The following FAM107B variants were observed in gnomAD, a reference collection of about 807,000 sequenced individuals.
FAM107B encodes the protein protein FAM107B.
In FAM107B, 21 loss-of-function variants were observed where a neutral mutation model predicts 31.5. That is an observed-to-expected ratio of 0.67 (90% CI 0.47 to 0.96). FAM107B has a LOEUF of 0.96. Ranked by LOEUF, FAM107B falls within the 40% of genes least tolerant of loss-of-function variation. The pLI is 0.00. For synonymous variants in FAM107B, 157 were observed against 141.5 expected, an observed-to-expected ratio of 1.11 and a Z score of -0.78; for missense variants, 452 against 377.1, an observed-to-expected ratio of 1.20 and a Z score of -1.64.
At chr10:14,678,160 G>A (rs1342699473) in intron 1 of FAM107B, among the ~76,000 whole-genome samples, 2 of 152,182 alleles carry the variant, frequency 1.3e-5, no homozygotes, top group Non-Finnish European at 2.9e-5. Flanking sequence ...AATCCAAAAT[G>A]ACTTATTCTC....
chr10:14,688,196 TCTTGGG>T, intron 1 of FAM107B, among the ~76,000 whole-genome samples: 1 of 152,222 alleles, frequency 6.6e-6, no homozygotes, highest in Non-Finnish European at 1.5e-5. Context: ...GCTTTTGGAC[TCTTGGG>T]CTTACACCAG....
chr10:14,759,216 AT>A (rs1483220272), intron 1 of FAM107B, among the ~76,000 whole-genome samples: 2 of 152,050 alleles, frequency 1.3e-5, no homozygotes, highest in East Asian at 3.9e-4. Flanking sequence ...AAATAAATAA[AT>A]AAATAAAAAG....
intron 1 of FAM107B, among the ~76,000 whole-genome samples, chr10:14,730,363 G>A (rs1031934151): frequency 2.0e-5 from 3 of 152,194 alleles, no homozygotes; most frequent in East Asian, 1.9e-4. Context: ...GCCCTGACCC[G>A]ACTCTTGCCC....
rs575441878 is a variant in FAM107B at position 14,705,555 on chromosome 10, A to G, written c.412-37864T>C. ...TGAAAAAGGAAGGGAATTCTGACAC[A>G]CACCACAACATAACTGGATCTTGAA... On this transcript the variant is annotated intron_variant, in intron 1 of 4. Transcript: ENST00000181796. Among the ~76,000 whole-genome samples the G allele has an allele frequency of 4.5e-4, 69 of 152,286 alleles. No individual in the cohort carries two copies. The South Asian group carries it at 0.013, about 30-fold the overall frequency.
chr10:14,541,096 T>C (rs1848146518), intron 2 of FAM107B, among the ~76,000 whole-genome samples: 2 of 152,132 alleles, frequency 1.3e-5, no homozygotes, highest in Non-Finnish European at 1.5e-5. Context: ...GAATCGATCA[T>C]CAGTTCCCTT....
At chr10:14,582,975 A>AAGG (rs1366093273) in intron 2 of FAM107B, among the ~76,000 whole-genome samples, 5 of 151,758 alleles carry the variant, frequency 3.3e-5, no homozygotes, top group Non-Finnish European at 7.4e-5. Context: ...AATCCCAGCT[A>AAGG]CTTGGGAGGC....
chr10:14,528,984 TCCTA>T (rs1846638354), intron 3 of FAM107B, among the ~76,000 whole-genome samples: 1 of 152,344 alleles, frequency 6.6e-6, no homozygotes, highest in African/African-American at 2.4e-5. Context: ...CAGCTAAGTC[TCCTA>T]CCTTACACTT....
At chr10:14,665,936 A>T (rs1854393399) in intron 2 of FAM107B, among the ~76,000 whole-genome samples, 1 of 152,218 alleles carries the variant, frequency 6.6e-6, no homozygotes, top group South Asian at 2.1e-4. Flanking sequence ...AATCTAAAAT[A>T]GCATAGTGTT....
chr10:14,593,204 TTTTG>T (rs1221149675), intron 2 of FAM107B, among the ~76,000 whole-genome samples: 1 of 152,110 alleles, frequency 6.6e-6, no homozygotes, highest in East Asian at 1.9e-4. Context: ...TAAAAAGCTT[TTTTG>T]TTTGCTACTT....
intron 1 of FAM107B, among the ~76,000 whole-genome samples, chr10:14,697,710 T>C (rs559828677): frequency 1.3e-5 from 2 of 152,316 alleles, no homozygotes; most frequent in Admixed American, 1.3e-4. Context: ...GCACATGGAG[T>C]TCCTGACATC....
At chr10:14,674,159 A>C (rs1564621673) in intron 1 of FAM107B, among the ~76,000 whole-genome samples, 4 of 152,322 alleles carry the variant, frequency 2.6e-5, no homozygotes, top group Admixed American at 2.6e-4. Flanking sequence ...AGAAGAAAAC[A>C]TAGGGAAAAC....
rs1852360085 is a variant in FAM107B at position 14,600,555 on chromosome 10, T to A, written c.469+67079A>T. On this transcript the variant is annotated intron_variant, in intron 2 of 4. Transcript: ENST00000181796. ...CATCATTCTTTCTGAGATACCTTAA[T>A]TCACCAAGCAGTGCTTTCCCTTCCC... 2.7e-5 allele frequency among the ~76,000 whole-genome samples: 4 copies of A among 150,372 alleles called. No homozygotes were observed. The South Asian group carries it at 8.6e-4, about 32-fold the overall frequency.
intron 3 of FAM107B, among the ~76,000 whole-genome samples, chr10:14,523,619 GTCATCTGAGCAACTGTTAAATAACAA>G (rs1398291796): frequency 6.6e-6 from 1 of 152,182 alleles, no homozygotes. Flanking sequence ...CCAACTAGGA[GTCATCTGAGCAACTGTTAAATAACAA>G]TTTCCAATAT....
intron 1 of FAM107B, among the ~76,000 whole-genome samples, chr10:14,711,884 T>C (rs1213627030): frequency 2.0e-5 from 3 of 152,210 alleles, no homozygotes; most frequent in Non-Finnish European, 4.4e-5. Flanking sequence ...CCTCAAGTAA[T>C]CCGCCCACCT....
Position 14,728,330 on chromosome 10 carries a change from G to GGTGT in FAM107B, c.411+45919_411+45922dup, listed in dbSNP as rs147215549. 5.1e-3 allele frequency among the ~76,000 whole-genome samples: 752 copies of GGTGT among 147,190 alleles called. 13 individuals are homozygous for GGTGT. Among genetic ancestry groups the GGTGT allele is most frequent in the East Asian group, 0.046 (233 of 5,070 alleles). On this transcript the variant is annotated intron_variant, in intron 1 of 4. Coordinates refer to ENST00000181796, the MANE Select transcript of FAM107B (RefSeq NM_031453.4). ...GATTATTTCTTTCTTTGGTATAAGG[G>GGTGT]GTGTGTGTGTGTGTGTGTGTGCTTT... is the stretch of plus-strand genomic sequence containing the variant.
chr10:14,522,950 A>G (rs1031870376), intron 3 of FAM107B, among the ~76,000 whole-genome samples: 1 of 152,190 alleles, frequency 6.6e-6, no homozygotes, highest in African/African-American at 2.4e-5. Context: ...TTGATTATTT[A>G]CAATGAAAGC....
In FAM107B at chr10:14,530,592, C is replaced by T. The variant is rs1379366152; in HGVS notation, c.470-77G>A. The stretch of plus-strand genomic sequence containing the variant: ...CCCACACATGCAGAGGCCCACAGAG[C>T]TGTGCTCAGTATGCTAACACATGCC... On this transcript the variant is annotated intron_variant, in intron 2 of 4. Transcript: ENST00000181796. The T allele has an allele frequency of 2.9e-6, 4 of 1,401,698 alleles. No individual in the cohort carries two copies. The African/African-American group carries it at 5.7e-5, about 20-fold the overall frequency. The allele number at this position is 1,401,698 out of a possible 1,614,324, so 86.8% of individuals were successfully genotyped here. A position where few individuals can be genotyped will look rare whatever the true frequency, so the allele number is the denominator to read the frequency against.
chr10:14,714,785 A>G (rs756970577), intron 1 of FAM107B, among the ~76,000 whole-genome samples: 16 of 152,240 alleles, frequency 1.1e-4, no homozygotes, highest in Non-Finnish European at 2.1e-4. Flanking sequence ...AAATAGCGAC[A>G]GAGGCCAGAG....
At chr10:14,720,133 A>G (rs942679148) in intron 1 of FAM107B, among the ~76,000 whole-genome samples, 2 of 152,204 alleles carry the variant, frequency 1.3e-5, no homozygotes, top group Non-Finnish European at 2.9e-5. Flanking sequence ...TGAAAGAGCT[A>G]GACTAGATGA....
Sources: gnomAD v4.1 joint callset for allele counts (sites outside exome capture counted in the v4.1 genomes callset) on GRCh38, gnomAD v4.1.1 for gene constraint, MANE v1.5 for transcripts, NCBI Gene and HGNC (gene_info 2026-07-23, HGNC 2026-07-21) for gene names.